The following NAV2 variants were observed in gnomAD, a reference collection of about 807,000 sequenced individuals.
The protein encoded by NAV2 is neuron navigator 2, also known as helicase, APC down-regulated 1.
Under a neutral mutation model 223.2 loss-of-function variants are expected in NAV2, and 54 were observed. The ratio of observed to expected loss-of-function variants is 0.24; its 90% CI spans 0.19 to 0.30. The LOEUF is 0.30. Ranked by LOEUF, NAV2 falls within the 10% of genes least tolerant of loss-of-function variation. The pLI is 1.00. For missense variants in NAV2, 2,806 were observed against 3,147.5 expected, an observed-to-expected ratio of 0.89 and a Z score of 2.60; for synonymous variants, 1,279 against 1,239.3, an observed-to-expected ratio of 1.03 and a Z score of -0.67.
At chr11:19,641,438 TG>T (rs1199248735) in intron 1 of NAV2, among the ~76,000 whole-genome samples, 3 of 152,140 alleles carry the variant, frequency 2.0e-5, no homozygotes, top group Non-Finnish European at 2.9e-5. Flanking sequence ...CTGGTCTTGC[TG>T]CCTCTATTCT....
At chr11:19,803,385 AG>A (rs1213996058) in intron 1 of NAV2, among the ~76,000 whole-genome samples, 1 of 152,164 alleles carries the variant, frequency 6.6e-6, no homozygotes, top group African/African-American at 2.4e-5. Flanking sequence ...CACACTGCAG[AG>A]GTTACCTTGG....
At chr11:19,949,163 C>T (rs2047180011) in intron 10 of NAV2, 83 bp downstream of exon 10, 1 of 1,443,438 alleles carries the variant, frequency 6.9e-7, no homozygotes, top group African/African-American at 1.4e-5. Context: ...CTATTTGATT[C>T]TTCTGGAGGA....
Position 19,559,162 on chromosome 11 carries a change from A to G in NAV2, c.75+208135A>G, listed in dbSNP as rs117355835. On this transcript the variant is annotated intron_variant, in intron 1 of 37. Coordinates refer to the NAV2 transcript ENST00000360655. ...TGCAAACCACCTACCACAGGTACTT[A>G]TAGTAGTGCCTGGCACACAGAAAGT... Among the ~76,000 whole-genome samples the G allele has an allele frequency of 5.1e-3, 783 of 152,376 alleles. 14 individuals are homozygous for G. The highest frequency in any genetic ancestry group is 4.6e-3 in the Non-Finnish European group (313 of 68,040).
intron 1 of NAV2, among the ~76,000 whole-genome samples, chr11:19,824,551 C>T (rs1016979312): frequency 6.6e-6 from 1 of 152,148 alleles, no homozygotes; most frequent in Non-Finnish European, 1.5e-5. Flanking sequence ...CCTGTTTCTC[C>T]AGTGTGTAGG....
At chr11:19,351,243 C>T (rs1407678885) in intron 1 of NAV2, among the ~76,000 whole-genome samples, 1 of 152,168 alleles carries the variant, frequency 6.6e-6, no homozygotes, top group Non-Finnish European at 1.5e-5. Flanking sequence ...AAAATTCAGT[C>T]CTGGCAGCCA....
chr11:20,116,753 CG>C (rs1291167222), intron 37 of NAV2, among the ~76,000 whole-genome samples: 1 of 152,182 alleles, frequency 6.6e-6, no homozygotes, highest in Non-Finnish European at 1.5e-5. Flanking sequence ...CTTCCATTAC[CG>C]AGTTAGATAT....
intron 1 of NAV2, among the ~76,000 whole-genome samples, chr11:19,623,296 A>G (rs1025782821): frequency 1.2e-4 from 18 of 152,096 alleles, no homozygotes; most frequent in Admixed American, 1.1e-3. Context: ...TATTTCCTGA[A>G]TTTGAATGTT....
intron 6 of NAV2, among the ~76,000 whole-genome samples, chr11:19,895,104 C>CTTTTTTTTTTTTTTTTTTTTTTTTTTTT (rs71050690): frequency 4.0e-5 from 4 of 99,206 alleles, no homozygotes; most frequent in South Asian, 3.8e-4. Flanking sequence ...CTTTTTCTTT[C>CTTTTTTTTTTTTTTTTTTTTTTTTTTTT]TTTTTTTTTT....
At chr11:19,935,822 A>G (rs2045798112) in intron 7 of NAV2, among the ~76,000 whole-genome samples, 1 of 132,856 alleles carries the variant, frequency 7.5e-6, no homozygotes, top group Non-Finnish European at 1.6e-5. Flanking sequence ...GCTGGTCTAC[A>G]TACACGGCTT....
intron 1 of NAV2, among the ~76,000 whole-genome samples, chr11:19,440,756 C>T (rs1298608346): frequency 6.6e-6 from 1 of 152,186 alleles, no homozygotes; most frequent in African/African-American, 2.4e-5. Flanking sequence ...ATTCAGTGAA[C>T]TCTAGGTGAT....
intron 1 of NAV2, among the ~76,000 whole-genome samples, chr11:19,787,947 T>C (rs189964312): frequency 1.3e-5 from 2 of 152,294 alleles, no homozygotes; most frequent in Admixed American, 1.3e-4. Flanking sequence ...ACATGTACTC[T>C]CTCCTCTCCA....
At chr11:20,114,478 C>A in intron 36 of NAV2, 114 bp from the exon 37 acceptor site, 2 of 879,692 alleles carry the variant, frequency 2.3e-6, no homozygotes, top group Non-Finnish European at 3.6e-6. Context: ...TGGAATTACT[C>A]CATCAGGGAA....
chr11:20,076,415 G>T (rs1208575898), intron 22 of NAV2, among the ~76,000 whole-genome samples: 2 of 152,172 alleles, frequency 1.3e-5, no homozygotes, highest in African/African-American at 2.4e-5. Flanking sequence ...GCACAATCTG[G>T]TGATCCTTCT....
intron 1 of NAV2, among the ~76,000 whole-genome samples, chr11:19,399,885 G>T (rs546968436): frequency 6.6e-6 from 1 of 152,338 alleles, no homozygotes; most frequent in African/African-American, 2.4e-5. Flanking sequence ...GTACGGAAGA[G>T]AAGCCCCTTA....
chr11:20,110,440 C>T (rs1351102507), intron 36 of NAV2, among the ~76,000 whole-genome samples: 1 of 152,170 alleles, frequency 6.6e-6, no homozygotes, highest in Non-Finnish European at 1.5e-5. Context: ...CCATTAGGGG[C>T]CCGACGTGCA....
chr11:19,621,874 C>G (rs545895099), intron 1 of NAV2, among the ~76,000 whole-genome samples: 1 of 152,268 alleles, frequency 6.6e-6, no homozygotes, highest in Admixed American at 6.5e-5. Context: ...ATCTTTCCTG[C>G]TTTCTCCTGT....
chr11:19,507,341 C>T (rs1201942247), intron 1 of NAV2: 1 of 152,322 alleles, frequency 6.6e-6, no homozygotes, highest in East Asian at 1.9e-4. Flanking sequence ...TAATAGACCC[C>T]TGGAGAGTCC....
intron 1 of NAV2, among the ~76,000 whole-genome samples, chr11:19,552,499 C>T (rs1351944007): frequency 6.6e-6 from 1 of 152,154 alleles, no homozygotes; most frequent in Non-Finnish European, 1.5e-5. Context: ...TCCCCTCCTC[C>T]TCACTTTTCT....
At chr11:19,769,152 A>C (rs2055494570) in intron 1 of NAV2, among the ~76,000 whole-genome samples, 1 of 152,188 alleles carries the variant, frequency 6.6e-6, no homozygotes, top group Non-Finnish European at 1.5e-5. Flanking sequence ...TGAAAAATAT[A>C]AAACCAGGTT....
Sources: gnomAD v4.1 joint callset for allele counts (sites outside exome capture counted in the v4.1 genomes callset) on GRCh38, gnomAD v4.1.1 for gene constraint, MANE v1.5 for transcripts, NCBI Gene and HGNC (gene_info 2026-07-23, HGNC 2026-07-21) for gene names.